The following AOAH variants were observed in gnomAD, a reference collection of about 807,000 sequenced individuals.
AOAH encodes acyloxyacyl hydrolase, also known as acyloxyacyl hydrolase (neutrophil).
In AOAH, 64 loss-of-function variants were observed where a neutral mutation model predicts 92.2. The ratio of observed to expected loss-of-function variants is 0.69; its 90% CI spans 0.57 to 0.86. The LOEUF (loss-of-function observed/expected upper bound fraction) is 0.86, where lower values mean the gene tolerates loss of function less well. AOAH is among the 40% of genes least tolerant of loss of function. The pLI is 0.00. For synonymous variants in AOAH, 263 were observed against 254.5 expected, an observed-to-expected ratio of 1.03 and a Z score of -0.32; for missense variants, 656 against 694.6, an observed-to-expected ratio of 0.94 and a Z score of 0.62.
At position 36,723,564 on chromosome 7, in the gene AOAH, G is replaced by A. The variant is rs115444241; in HGVS notation, c.127+458C>T. On this transcript the variant is annotated intron_variant, in intron 1 of 20. Transcript: ENST00000617537. ...TATGAGATGGGTCTCACTCACTTCA[G>A]TTCACCAATAAGGACACAGAAGCAT... Among the ~76,000 whole-genome samples the A allele has an allele frequency of 1.6e-3, 237 of 152,258 alleles. 1 individual carries two copies. Among genetic ancestry groups the A allele is most frequent in the African/African-American group, 5.2e-3 (215 of 41,540 alleles).
chr7:36,515,325 C>T (rs207467779), intron 20 of AOAH, among the ~76,000 whole-genome samples: 12 of 127,856 alleles, frequency 9.4e-5, no homozygotes, highest in African/African-American at 9.0e-5. Flanking sequence ...CCCCTCACAA[C>T]CCCACACCAC....
intron 13 of AOAH, among the ~76,000 whole-genome samples, chr7:36,567,490 C>T (rs190358036): frequency 2.6e-5 from 4 of 152,254 alleles, no homozygotes; most frequent in East Asian, 1.9e-4. Flanking sequence ...AAGTACTTAA[C>T]GGAGTGTCTG....
Position 36,520,637 on chromosome 7 carries a change from G to A in AOAH, c.1599+1402C>T, listed in dbSNP as rs556392119. 7.3e-5 allele frequency among the ~76,000 whole-genome samples: 11 copies of A among 151,698 alleles called. No individual in the cohort carries two copies. In the East Asian group the frequency reaches 1.7e-3, roughly 24 times the overall value. ...GGAGAATCACTTGAAACCAGGAAGC[G>A]GAGGTTGCGGTGAGCGGAGATCACA... On this transcript the variant is annotated intron_variant, in intron 20 of 20. Transcript: ENST00000617537.
intron 12 of AOAH, among the ~76,000 whole-genome samples, chr7:36,584,524 T>A (rs1222291396): frequency 6.6e-6 from 1 of 152,214 alleles, no homozygotes; most frequent in Non-Finnish European, 1.5e-5. Flanking sequence ...TTATTTCATT[T>A]TTTCCACTTG....
rs529261307 is a variant in AOAH, at chr7:36,678,550, AGTGTGTGTGTGTGTGTGT to A, written c.224-4559_224-4542del. Among the ~76,000 whole-genome samples the A allele has an allele frequency of 4.0e-3, 474 of 118,904 alleles. 8 individuals are homozygous for A. Among genetic ancestry groups the A allele is most frequent in the African/African-American group, 0.011 (387 of 35,706 alleles). The allele number at this position is 118,904 out of a possible 152,430, so 78.0% of individuals were successfully genotyped here. ...TCATCTTCTTTCTGGTAAGATAAGCAGTGTGTGTGTGTGTGTGTGTGTGTGTGTGTGTGTGTGTGTGTG... is the reference window on the plus strand; with the variant it reads ...TCATCTTCTTTCTGGTAAGATAAGCAGTGTGTGTGTGTGTGTGTGTGTGTG... On this transcript the variant is annotated intron_variant, in intron 2 of 20. Transcript: ENST00000617537.
At chr7:36,718,534 C>A (rs1562729126) in intron 1 of AOAH, among the ~76,000 whole-genome samples, 1 of 152,010 alleles carries the variant, frequency 6.6e-6, no homozygotes, top group Non-Finnish European at 1.5e-5. Flanking sequence ...TTCATAATTA[C>A]CAAGAAGTGA....
intron 1 of AOAH, among the ~76,000 whole-genome samples, chr7:36,709,457 A>T (rs1798625296): frequency 6.6e-6 from 1 of 152,210 alleles, no homozygotes; most frequent in South Asian, 2.1e-4. Flanking sequence ...AATTCATTGT[A>T]TGCCACTGAT....
intron 3 of AOAH, among the ~76,000 whole-genome samples, chr7:36,665,658 A>G (rs1795485801): frequency 6.6e-6 from 1 of 152,146 alleles, no homozygotes. Context: ...AGCATGAAGT[A>G]TGATGTTCAT....
chr7:36,716,299 C>A (rs573461483), intron 1 of AOAH, among the ~76,000 whole-genome samples: 2 of 151,086 alleles, frequency 1.3e-5, no homozygotes, highest in Non-Finnish European at 3.0e-5. Flanking sequence ...GTTAGAATGG[C>A]GATCATTAAA....
chr7:36,536,978 A>G (rs1785104154), intron 16 of AOAH, among the ~76,000 whole-genome samples: 1 of 142,612 alleles, frequency 7.0e-6, no homozygotes, highest in African/African-American at 2.6e-5. Context: ...AAAAAAAAAG[A>G]ATCACACCTT....
At chr7:36,687,151 C>G (rs564796236) in intron 1 of AOAH, among the ~76,000 whole-genome samples, 13 of 152,184 alleles carry the variant, frequency 8.5e-5, no homozygotes, top group Middle Eastern at 3.4e-3. Context: ...CATTTGAAGT[C>G]GAAAGATCTA....
intron 5 of AOAH, 43 bp downstream of exon 5, chr7:36,637,808 C>G: frequency 6.3e-7 from 1 of 1,584,346 alleles, no homozygotes; most frequent in African/African-American, 1.3e-5. Context: ...TGAGAGAGGA[C>G]ATGCCAAGGA....
intron 12 of AOAH, among the ~76,000 whole-genome samples, chr7:36,587,012 C>G (rs1789379991): frequency 6.6e-6 from 1 of 151,918 alleles, no homozygotes. Flanking sequence ...TGGTTCATTC[C>G]TATAATCCCA....
At chr7:36,654,127 G>A (rs982546109) in intron 4 of AOAH, among the ~76,000 whole-genome samples, 42 of 113,688 alleles carry the variant, frequency 3.7e-4, no homozygotes, top group Admixed American at 3.0e-3. Context: ...GCGTGTGTGC[G>A]TACACACACA....
At chr7:36,528,500 G>A (rs1290511668) in intron 19 of AOAH, among the ~76,000 whole-genome samples, 4 of 152,166 alleles carry the variant, frequency 2.6e-5, no homozygotes, top group Non-Finnish European at 5.9e-5. Flanking sequence ...TATGTTCCCA[G>A]CACCTTCATA....
Position 36,561,562 on chromosome 7 carries a change from C to T in AOAH, c.1022-12087G>A, listed in dbSNP as rs578076827. ...GCCCCCATGCGCTGTGTTGATCTTG[C>T]GGTGGCACACGCATCGGCTGGGCCC... is the stretch of plus-strand genomic sequence containing the variant. On this transcript the variant is annotated intron_variant, in intron 13 of 20. Coordinates refer to ENST00000617537, the MANE Select transcript of AOAH (RefSeq NM_001637.4). Among the ~76,000 whole-genome samples the T allele has an allele frequency of 3.2e-4, 48 of 148,486 alleles. 2 individuals carry two copies. In the South Asian group the frequency reaches 8.8e-3, roughly 27 times the overall value.
At chr7:36,714,830 AAAT>A (rs1799019972) in intron 1 of AOAH, among the ~76,000 whole-genome samples, 1 of 152,210 alleles carries the variant, frequency 6.6e-6, no homozygotes, top group Non-Finnish European at 1.5e-5. Flanking sequence ...ACGTATCTCA[AAAT>A]AATAAGAGCT....
intron 12 of AOAH, among the ~76,000 whole-genome samples, chr7:36,593,100 G>A (rs1175214101): frequency 8.6e-5 from 13 of 151,980 alleles, no homozygotes; most frequent in Admixed American, 4.6e-4. Context: ...CTTTTTCCTC[G>A]GAGCCCCGTG....
intron 6 of AOAH, among the ~76,000 whole-genome samples, chr7:36,627,808 G>T (rs1356040713): frequency 1.3e-5 from 2 of 151,208 alleles, no homozygotes; most frequent in Non-Finnish European, 2.9e-5. Context: ...CAGATATCAG[G>T]TGAGTCGGCT....
Sources: allele counts gnomAD v4.1 joint callset (sites outside exome capture counted in the v4.1 genomes callset), GRCh38; gene constraint gnomAD v4.1.1; transcripts MANE v1.5; gene names NCBI Gene and HGNC (gene_info 2026-07-23, HGNC 2026-07-21).